The following CEP126 variants were observed in gnomAD, a reference collection of about 807,000 sequenced individuals.
CEP126 encodes centrosomal protein of 126 kDa.
Under a neutral mutation model 107.8 loss-of-function variants are expected in CEP126, and 74 were observed. That is an observed-to-expected ratio of 0.69 (90% CI 0.57 to 0.83). The LOEUF is 0.83. CEP126 is among the 40% of genes least tolerant of loss of function. CEP126 has a pLI of 0.00. For synonymous variants in CEP126, 449 were observed against 446.0 expected, an observed-to-expected ratio of 1.01 and a Z score of -0.08; for missense variants, 1,237 against 1,281.9, an observed-to-expected ratio of 0.96 and a Z score of 0.53.
chr11:101,938,449 T>A lies in CEP126; in HGVS notation c.249-5816T>A, dbSNP rs148909674. ...CTTCATCAGTTTATTTTCTTTTTAT[T>A]AGATTCTTTCTTCTTTAGGATAAAT... On this transcript the variant is annotated intron_variant, in intron 2 of 10. Transcript: ENST00000263468. Among the ~76,000 whole-genome samples the A allele has an allele frequency of 2.2e-4, 34 of 151,818 alleles. No homozygotes were observed. In the East Asian group the frequency reaches 6.6e-3, roughly 29 times the overall value.
chr11:101,917,947 AGG>A lies in CEP126; in HGVS notation c.128+2537_128+2538del, dbSNP rs1555050042. ...TTTCCAGCTTCACCTAAACAGGAAC[AGG>A]GTTCTTTCTTTTTCCTATGAATGCC... is the stretch of plus-strand genomic sequence containing the variant. On this transcript the variant is annotated intron_variant, in intron 1 of 10. Transcript: ENST00000263468. 2.6e-5 allele frequency among the ~76,000 whole-genome samples: 4 copies of A among 152,190 alleles called. 1 individual carries two copies. The highest frequency in any genetic ancestry group is 5.9e-5 in the Non-Finnish European group (4 of 68,014).
chr11:101,998,861 A>G lies in CEP126; in HGVS notation c.*1218A>G, dbSNP rs927905864. 6 of 152,166 alleles carry G rather than the reference A, an allele frequency of 3.9e-5. No homozygotes were observed. Among genetic ancestry groups the G allele is most frequent in the Admixed American group, 3.9e-4 (6 of 15,274 alleles). The allele number at this position is 152,166 out of a possible 1,614,324, so 9.4% of individuals were successfully genotyped here. On this transcript the variant is annotated 3_prime_UTR_variant, in exon 11 of 11. Transcript: ENST00000263468. ...AGATGAGAAACTGAGCCAAGGCCAC[A>G]TAGCTACCTACAGTGACAGAATCAA...
intron 2 of CEP126, among the ~76,000 whole-genome samples, chr11:101,934,694 T>C (rs1940550222): frequency 6.6e-6 from 1 of 152,098 alleles, no homozygotes; most frequent in African/African-American, 2.4e-5. Context: ...GATTCATCCA[T>C]GTATTAGTTC....
chr11:101,996,378 G>A (rs1032867830), intron 10 of CEP126, among the ~76,000 whole-genome samples: 49 of 152,156 alleles, frequency 3.2e-4, no homozygotes, highest in African/African-American at 1.0e-3. Flanking sequence ...GATCCTGACT[G>A]GCACGCCACA....
chr11:101,915,408 T>C lies in CEP126; in HGVS notation c.124T>C (p.Tyr42His), dbSNP rs1266921377. The change falls in exon 1 of 11, where the codon TAC (tyrosine) becomes CAC (histidine). Residue 42 changes from tyrosine to histidine, a missense_variant. Transcript: ENST00000263468. ...CGGCGGGCATCACCGACCTGGCTCT[T>C]ACCTGTATCCTTCCCAGCCTGTGGC... ...ESGGHHRPGS[Y>H]LDMKIHLEKN... 1 of 1,612,594 alleles carries C rather than the reference T, an allele frequency of 6.2e-7. No individual in the cohort carries two copies. The highest frequency in any genetic ancestry group is 1.3e-5 in the African/African-American group (1 of 75,046).
rs1043255357 is a variant in CEP126, at chr11:101,948,112, C to G, written c.476C>G (p.Pro159Arg). The change falls in exon 4 of 11, where the codon CCC (proline) becomes CGC (arginine). Residue 159 changes from proline (P) to arginine (R), a missense_variant. Around this residue, in one of 3 missense-constraint regions of CEP126, gnomAD observed 1,134 missense variants for 1,150.5 expected, o/e 0.99. Coordinates refer to ENST00000263468, the MANE Select transcript of CEP126 (RefSeq NM_020802.4). ...ESNLKSEVNL[P>R]FSRRPTINWR... The stretch of plus-strand genomic sequence containing the variant: ...AACTTAAAATCAGAAGTAAACCTTC[C>G]CTTTTCCCGTAGACCAACAATAAAC... The G allele has an allele frequency of 1.2e-6, 2 of 1,609,280 alleles. No homozygotes were observed. Among genetic ancestry groups the G allele is most frequent in the African/African-American group, 2.7e-5 (2 of 74,802 alleles).
chr11:101,972,230 T>C (rs1353519778), intron 6 of CEP126, among the ~76,000 whole-genome samples: 1 of 144,424 alleles, frequency 6.9e-6, no homozygotes, highest in Non-Finnish European at 1.5e-5. Flanking sequence ...ATCGAGACCA[T>C]CCTGGCTAAC....
chr11:101,922,680 G>A lies in CEP126; in HGVS notation c.168G>A (p.Glu56=), dbSNP rs762448377. The change falls in exon 2 of 11, where the codon GAG becomes GAA. Residue 56 remains glutamate (E), a synonymous_variant. Coordinates refer to ENST00000263468, the MANE Select transcript of CEP126 (RefSeq NM_020802.4). ...KIHLEKNLEE[E]RQILLQQQKI... ...ATCTGGAGAAAAATTTAGAAGAAGA[G>A]CGCCAGATATTACTGCAGCAACAAA... 4.5e-5 allele frequency: 72 copies of A among 1,608,538 alleles called. No individual in the cohort carries two copies. The highest frequency in any genetic ancestry group is 8.3e-5 in the Admixed American group (5 of 59,950).
At chr11:101,986,394 T>A (rs578238150) in intron 8 of CEP126, among the ~76,000 whole-genome samples, 9 of 152,360 alleles carry the variant, frequency 5.9e-5, no homozygotes, top group Admixed American at 1.3e-4. Flanking sequence ...GGTCTGTTTC[T>A]AGGCTGTCAG....
At chr11:101,942,174 T>G (rs995429422) in intron 2 of CEP126, among the ~76,000 whole-genome samples, 2 of 152,162 alleles carry the variant, frequency 1.3e-5, no homozygotes, top group African/African-American at 4.8e-5. Flanking sequence ...TTGTTTGTGC[T>G]TTTAGTGTCA....
chr11:101,977,735 A>G (rs1428200401), intron 6 of CEP126, among the ~76,000 whole-genome samples: 2 of 152,142 alleles, frequency 1.3e-5, no homozygotes, highest in African/African-American at 4.8e-5. Context: ...GAAGCCCTAC[A>G]AAAGTTATTT....
intron 10 of CEP126, among the ~76,000 whole-genome samples, chr11:101,995,216 T>G (rs1391749224): frequency 2.6e-5 from 4 of 152,298 alleles, no homozygotes; most frequent in South Asian, 2.1e-4. Flanking sequence ...TTTCAAACTT[T>G]AGTGTACTTT....
At chr11:101,931,397 T>C (rs1814775617) in intron 2 of CEP126, among the ~76,000 whole-genome samples, 1 of 152,198 alleles carries the variant, frequency 6.6e-6, no homozygotes, top group South Asian at 2.1e-4. Context: ...AATAATTTTA[T>C]GTCTCGGAAA....
In CEP126 at chr11:101,963,725, C is replaced by A. The variant is rs751492828; in HGVS notation, c.2690C>A (p.Ala897Glu). ...AKINHSNGTQ[A>E]VARQDATLYC... ...ATAAATCATTCAAATGGCACTCAAG[C>A]AGTTGCCCGGCAAGATGCGACATTA... The change falls in exon 6 of 11, where the codon GCA becomes GAA. Residue 897 changes from alanine (A) to glutamate (E), a missense_variant. Ala to Glu is a moderately radical substitution (Grantham distance 107). Around this residue, in one of 3 missense-constraint regions of CEP126, gnomAD observed 1,134 missense variants for 1,150.5 expected, o/e 0.99. Transcript: ENST00000263468. 3.1e-6 allele frequency: 5 copies of A among 1,613,944 alleles called. No individual in the cohort carries two copies. The African/African-American group carries it at 6.7e-5, about 22-fold the overall frequency.
chr11:101,994,170 G>C (rs947531261), intron 10 of CEP126, among the ~76,000 whole-genome samples: 10 of 152,228 alleles, frequency 6.6e-5, no homozygotes, highest in African/African-American at 2.4e-4. Flanking sequence ...GAGAGGCAAA[G>C]GTTGCAGTGA....
intron 8 of CEP126, among the ~76,000 whole-genome samples, chr11:101,983,140 T>A (rs912691278): frequency 3.0e-4 from 46 of 152,204 alleles, no homozygotes; most frequent in African/African-American, 1.1e-3. Context: ...TGTAAAGATA[T>A]TGTTGAAAAT....
At chr11:101,920,153 A>T (rs185532037) in intron 1 of CEP126, among the ~76,000 whole-genome samples, 18 of 152,318 alleles carry the variant, frequency 1.2e-4, no homozygotes, top group Admixed American at 8.5e-4. Flanking sequence ...ATTATGGCCT[A>T]TGGTATAAAG....
At chr11:101,956,521 A>G (rs1294845960) in intron 4 of CEP126, 1 of 456,242 alleles carries the variant, frequency 2.2e-6, no homozygotes, top group Non-Finnish European at 4.4e-6. Context: ...GTCATTCTCC[A>G]TCTTCTTCTT....
At chr11:101,954,948 C>T (rs1940864573) in intron 4 of CEP126, among the ~76,000 whole-genome samples, 1 of 151,834 alleles carries the variant, frequency 6.6e-6, no homozygotes, top group Non-Finnish European at 1.5e-5. Context: ...GGAATGTAAA[C>T]CTAAATGTGT....
Sources: gnomAD v4.1 joint callset for allele counts (sites outside exome capture counted in the v4.1 genomes callset) on GRCh38, gnomAD v4.1.1 for gene constraint, gnomAD v4.1.1 regional missense constraint, MANE v1.5 for transcripts, NCBI Gene and HGNC (gene_info 2026-07-23, HGNC 2026-07-21) for gene names.